MARCHF1: variants seen among roughly 807,000 people sequenced by gnomAD.
The protein encoded by MARCHF1 is membrane associated ring-CH-type finger 1.
MARCHF1 carries 40 observed loss-of-function variants against 54.2 expected under a neutral mutation model. The ratio of observed to expected loss-of-function variants is 0.74; its 90% CI spans 0.57 to 0.96. The LOEUF is 0.96. Among genes scored for constraint, MARCHF1 ranks in the 40% least tolerant of loss-of-function variants. The pLI is 0.00. For synonymous variants in MARCHF1, 236 were observed against 236.3 expected (o/e 1.00, Z 0.01); for missense variants, 586 against 656.5 (o/e 0.89, Z 1.17).
chr4:163,841,197 A>G (rs1181737252), intron 4 of MARCHF1, among the ~76,000 whole-genome samples: 1 of 152,086 alleles, frequency 6.6e-6, no homozygotes, highest in East Asian at 1.9e-4. Flanking sequence ...TCATGGTGGA[A>G]ACATGCGATT....
At chr4:164,087,425 A>T (rs955206520) in intron 2 of MARCHF1, among the ~76,000 whole-genome samples, 5 of 152,166 alleles carry the variant, frequency 3.3e-5, no homozygotes, top group African/African-American at 4.8e-5. Flanking sequence ...ACAAGCAGTT[A>T]TAATTTTTAT....
chr4:163,574,132 T>A (rs1432752114), intron 8 of MARCHF1, among the ~76,000 whole-genome samples: 8 of 152,170 alleles, frequency 5.3e-5, no homozygotes. Flanking sequence ...TGTCTGTTCA[T>A]GTCCTTCGCC....
At chr4:163,956,911 C>T (rs1011803189) in intron 3 of MARCHF1, among the ~76,000 whole-genome samples, 1 of 152,052 alleles carries the variant, frequency 6.6e-6, no homozygotes, top group Middle Eastern at 3.4e-3. Context: ...AGCAAGAGTC[C>T]CTATGGCTAA....
intron 2 of MARCHF1, among the ~76,000 whole-genome samples, 161 bp downstream of exon 2, chr4:164,111,427 G>A (rs1755831478): frequency 6.6e-6 from 1 of 151,412 alleles, no homozygotes; most frequent in Non-Finnish European, 1.5e-5. Flanking sequence ...TATTCATTGA[G>A]ACCAAATAAA....
chr4:164,122,940 G>C (rs1214175968), intron 1 of MARCHF1, among the ~76,000 whole-genome samples: 1 of 151,982 alleles, frequency 6.6e-6, no homozygotes, highest in African/African-American at 2.4e-5. Flanking sequence ...AGAGTAATCA[G>C]ACAAGAAAGC....
intron 3 of MARCHF1, among the ~76,000 whole-genome samples, chr4:163,925,384 TGTACTCCCAA>T (rs1371335546): frequency 2.6e-5 from 4 of 151,850 alleles, no homozygotes; most frequent in African/African-American, 9.7e-5. Flanking sequence ...GAATGTACTA[TGTACTCCCAA>T]GTGGAAATGC....
At chr4:163,585,358 T>C (rs1392087716) in intron 8 of MARCHF1, 1 of 153,588 alleles carries the variant, frequency 6.5e-6, no homozygotes, top group African/African-American at 2.4e-5. Context: ...TGATGTTGTT[T>C]AAGGCAATGT....
chr4:163,855,498 G>A (rs1046061288), intron 3 of MARCHF1, among the ~76,000 whole-genome samples: 1 of 152,064 alleles, frequency 6.6e-6, no homozygotes, highest in Non-Finnish European at 1.5e-5. Context: ...ACACTATCTT[G>A]GTTAATCATC....
chr4:163,572,654 C>T (rs554498964), intron 8 of MARCHF1, among the ~76,000 whole-genome samples: 19 of 152,128 alleles, frequency 1.2e-4, no homozygotes, highest in African/African-American at 3.6e-4. Context: ...ACAAAGTCCT[C>T]GGGAGGGAAT....
intron 7 of MARCHF1, among the ~76,000 whole-genome samples, chr4:163,603,296 G>A (rs991873413): frequency 8.8e-5 from 13 of 148,288 alleles, no homozygotes; most frequent in African/African-American, 2.2e-4. Context: ...ATACACATAC[G>A]AAACTGGGAA....
At chr4:163,994,257 A>AGTGTGTGTGT (rs769035806) in intron 2 of MARCHF1, among the ~76,000 whole-genome samples, 3,674 of 137,048 alleles carry the variant, frequency 0.027, 115 homozygotes, top group East Asian at 0.13. Context: ...ATAGAGAAAA[A>AGTGTGTGTGT]GTGTGTGTGT....
intron 1 of MARCHF1, among the ~76,000 whole-genome samples, chr4:164,275,760 C>A (rs974203449): frequency 3.3e-5 from 5 of 152,154 alleles, no homozygotes; most frequent in Non-Finnish European, 7.4e-5. Flanking sequence ...AAGGCCTTTT[C>A]CCTTTTCCTT....
intron 1 of MARCHF1, among the ~76,000 whole-genome samples, chr4:164,214,448 T>C (rs1327781251): frequency 6.6e-6 from 1 of 152,136 alleles, no homozygotes; most frequent in Non-Finnish European, 1.5e-5. Context: ...ATAACTTCAT[T>C]GAATCCCCAT....
chr4:164,141,604 T>C (rs541473752), intron 1 of MARCHF1, among the ~76,000 whole-genome samples: 90 of 152,326 alleles, frequency 5.9e-4, no homozygotes, highest in African/African-American at 1.9e-3. Context: ...AGTCGCAACA[T>C]AGAGCCCATG....
chr4:164,113,935 C>CA (rs1331703634), intron 1 of MARCHF1, among the ~76,000 whole-genome samples: 4 of 151,790 alleles, frequency 2.6e-5, no homozygotes, highest in Admixed American at 6.6e-5. Context: ...TGTTTAACCC[C>CA]AAAATAGGAG....
chr4:164,265,021 C>A (rs1337368262), intron 1 of MARCHF1, among the ~76,000 whole-genome samples: 1 of 151,070 alleles, frequency 6.6e-6, no homozygotes, highest in African/African-American at 2.4e-5. Flanking sequence ...CTTTGTATTC[C>A]TAATTGTAAT....
intron 2 of MARCHF1, among the ~76,000 whole-genome samples, chr4:164,039,433 G>A (rs909963535): frequency 1.3e-5 from 2 of 152,098 alleles, no homozygotes; most frequent in Non-Finnish European, 2.9e-5. Context: ...GAAAAGTGCA[G>A]ATGTCCTTAA....
chr4:163,751,805 C>T (rs923425596), intron 4 of MARCHF1, among the ~76,000 whole-genome samples: 14 of 124,414 alleles, frequency 1.1e-4, no homozygotes, highest in Admixed American at 5.5e-4. Context: ...CACATGTGCA[C>T]GTGTGTGTGT....
chr4:163,654,764 G>T (rs72991579), intron 5 of MARCHF1, among the ~76,000 whole-genome samples: 15,271 of 151,506 alleles, frequency 0.1, 837 homozygotes, highest in African/African-American at 0.13. Flanking sequence ...TAAGTCACTT[G>T]TAAATTCCAT....
Sources: gnomAD v4.1 joint callset for allele counts (sites outside exome capture counted in the v4.1 genomes callset) on GRCh38, gnomAD v4.1.1 for gene constraint, MANE v1.5 for transcripts, NCBI Gene and HGNC (gene_info 2026-07-23, HGNC 2026-07-21) for gene names.